Variants in PTPRD observed in about 807,000 individuals in gnomAD.
The protein encoded by PTPRD is receptor-type tyrosine-protein phosphatase delta.
Under a neutral mutation model 214.5 loss-of-function variants are expected in PTPRD, and 34 were observed. The observed-to-expected ratio is 0.16, with a 90% confidence interval of 0.12 to 0.21. The LOEUF (loss-of-function observed/expected upper bound fraction) is 0.21, where lower values mean the gene tolerates loss of function less well. Ranked by LOEUF, PTPRD falls within the 10% of genes least tolerant of loss-of-function variation. PTPRD has a pLI of 1.00. For synonymous variants in PTPRD, 1,128 were observed against 845.7 expected, an observed-to-expected ratio of 1.33 and a Z score of -5.79; for missense variants, 2,545 against 2,398.7, an observed-to-expected ratio of 1.06 and a Z score of -1.27.
chr9:10,402,195 A>G (rs973777578), intron 2 of PTPRD, among the ~76,000 whole-genome samples: 1 of 151,704 alleles, frequency 6.6e-6, no homozygotes, highest in African/African-American at 2.4e-5. Context: ...TATTATTTAG[A>G]TATCTTCAGA....
chr9:9,268,953 A>AT (rs569449683), intron 9 of PTPRD, among the ~76,000 whole-genome samples: 12 of 150,644 alleles, frequency 8.0e-5, no homozygotes, highest in Non-Finnish European at 1.6e-4. Flanking sequence ...CTGGGCAACG[A>AT]TTTTCTGGAA....
chr9:9,535,380 A>C (rs977024804), intron 8 of PTPRD, among the ~76,000 whole-genome samples: 3 of 152,124 alleles, frequency 2.0e-5, no homozygotes, highest in Admixed American at 6.6e-5. Context: ...ACAGCATAAC[A>C]CATGAACTTC....
At chr9:9,904,629 T>G (rs1343553473) in intron 5 of PTPRD, among the ~76,000 whole-genome samples, 1 of 151,946 alleles carries the variant, frequency 6.6e-6, no homozygotes, top group African/African-American at 2.4e-5. Context: ...TCAAAAGGAT[T>G]AAATGCAATA....
At chr9:10,257,808 A>G (rs1039306906) in intron 3 of PTPRD, among the ~76,000 whole-genome samples, 1 of 152,198 alleles carries the variant, frequency 6.6e-6, no homozygotes, top group African/African-American at 2.4e-5. Context: ...GGGCTAAATA[A>G]TACAAGGCCA....
chr9:8,719,700 C>A (rs980596179), intron 12 of PTPRD, among the ~76,000 whole-genome samples: 1 of 151,422 alleles, frequency 6.6e-6, no homozygotes, highest in Non-Finnish European at 1.5e-5. Flanking sequence ...GATAGAGACC[C>A]ACAAAGCCAA....
chr9:9,681,937 T>C (rs1308160616), intron 7 of PTPRD, among the ~76,000 whole-genome samples: 4 of 152,008 alleles, frequency 2.6e-5, no homozygotes, highest in East Asian at 1.9e-4. Flanking sequence ...GTTATATTTA[T>C]GTCTATTTCC....
At chr9:9,967,481 T>C (rs1291872613) in intron 4 of PTPRD, among the ~76,000 whole-genome samples, 1 of 152,190 alleles carries the variant, frequency 6.6e-6, no homozygotes, top group Non-Finnish European at 1.5e-5. Context: ...GAAGAAAACA[T>C]TTATTGAGAA....
intron 2 of PTPRD, among the ~76,000 whole-genome samples, chr9:10,343,314 T>A (rs2096981566): frequency 6.6e-6 from 1 of 152,156 alleles, no homozygotes; most frequent in Non-Finnish European, 1.5e-5. Flanking sequence ...AACTCATCCT[T>A]TTTTATGGCT....
intron 12 of PTPRD, among the ~76,000 whole-genome samples, chr9:8,708,098 T>A (rs139019701): frequency 1.3e-5 from 2 of 152,276 alleles, no homozygotes; most frequent in East Asian, 3.9e-4. Context: ...AAAGGGGAAA[T>A]CTCAATCCAA....
At chr9:8,575,588 G>C (rs750173730) in intron 14 of PTPRD, among the ~76,000 whole-genome samples, 1 of 152,086 alleles carries the variant, frequency 6.6e-6, no homozygotes, top group Non-Finnish European at 1.5e-5. Flanking sequence ...GCAAAAACGT[G>C]GCTGCAGAAG....
intron 11 of PTPRD, among the ~76,000 whole-genome samples, chr9:8,937,002 A>G (rs1264842351): frequency 6.6e-6 from 1 of 152,174 alleles, no homozygotes; most frequent in Admixed American, 6.5e-5. Context: ...CAAGTAAGAA[A>G]TAAAGTATTT....
intron 3 of PTPRD, among the ~76,000 whole-genome samples, chr9:10,212,964 G>A (rs191289182): frequency 2.0e-5 from 3 of 152,184 alleles, no homozygotes; most frequent in Admixed American, 1.3e-4. Context: ...CTAGAATTTT[G>A]CACAACGTAA....
At chr9:9,926,416 T>C (rs1219519984) in intron 5 of PTPRD, among the ~76,000 whole-genome samples, 3 of 151,730 alleles carry the variant, frequency 2.0e-5, no homozygotes, top group Non-Finnish European at 4.4e-5. Flanking sequence ...CCAGGGAATA[T>C]GGAAAGAAAA....
chr9:8,421,320 CTT>C (rs1221851440), intron 35 of PTPRD, among the ~76,000 whole-genome samples: 2 of 150,742 alleles, frequency 1.3e-5, no homozygotes. Flanking sequence ...TCTCTTCCTT[CTT>C]TCTTTCCTTT....
intron 2 of PTPRD, among the ~76,000 whole-genome samples, chr9:10,570,978 A>G (rs1036293040): frequency 2.0e-5 from 3 of 151,970 alleles, no homozygotes; most frequent in Non-Finnish European, 2.9e-5. Flanking sequence ...CAAACCCATA[A>G]CAGTGTGCAG....
intron 11 of PTPRD, among the ~76,000 whole-genome samples, chr9:8,929,852 T>C (rs2098936909): frequency 1.5e-5 from 2 of 131,142 alleles, no homozygotes; most frequent in Admixed American, 8.3e-5. Context: ...TGTGTGTATA[T>C]ATATGTGTAT....
At chr9:9,275,333 T>C (rs1003571130) in intron 9 of PTPRD, among the ~76,000 whole-genome samples, 8 of 146,862 alleles carry the variant, frequency 5.4e-5, no homozygotes, top group African/African-American at 2.0e-4. Flanking sequence ...TGAAAGTTAT[T>C]CTCAGAAAAA....
At chr9:9,401,756 G>A (rs1254118628) in intron 8 of PTPRD, among the ~76,000 whole-genome samples, 1 of 151,946 alleles carries the variant, frequency 6.6e-6, no homozygotes. Context: ...GAATCATGGG[G>A]GTGGTTACCT....
At chr9:8,334,078 A>C (rs1046193592) in intron 43 of PTPRD, among the ~76,000 whole-genome samples, 3 of 152,200 alleles carry the variant, frequency 2.0e-5, no homozygotes, top group African/African-American at 7.2e-5. Flanking sequence ...AGACTCCCAC[A>C]CAATAATAAT....
Sources: gnomAD v4.1 joint callset for allele counts (sites outside exome capture counted in the v4.1 genomes callset) on GRCh38, gnomAD v4.1.1 for gene constraint, MANE v1.5 for transcripts, NCBI Gene and HGNC (gene_info 2026-07-23, HGNC 2026-07-21) for gene names.